Variants in SLC27A6 observed in about 807,000 individuals in gnomAD.
The protein encoded by SLC27A6 is long-chain fatty acid transport protein 6.
Under a neutral mutation model 63.9 loss-of-function variants are expected in SLC27A6, and 74 were observed. The observed-to-expected ratio is 1.16, with a 90% CI of 0.96 to 1.40. The LOEUF (loss-of-function observed/expected upper bound fraction) is 1.40. Ranked by LOEUF, SLC27A6 falls within the 40% of genes most tolerant of loss-of-function variation. The pLI is 0.00. For missense variants in SLC27A6, 794 were observed against 732.9 expected (o/e 1.08, Z -0.96); for synonymous variants, 287 against 260.8 (o/e 1.10, Z -0.97).
intron 5 of SLC27A6, 109 bp downstream of exon 5, chr5:129,016,188 C>T (rs75602878): frequency 0.11 from 79,955 of 703,690 alleles, 9,003 homozygotes; most frequent in East Asian, 0.51. Context: ...GTCAGGAGAT[C>T]GAGACCATCC....
At chr5:128,999,063 A>G (rs1361390059) in intron 4 of SLC27A6, among the ~76,000 whole-genome samples, 1 of 152,112 alleles carries the variant, frequency 6.6e-6, no homozygotes, top group African/African-American at 2.4e-5. Context: ...ATGTCTTATG[A>G]GCTTTGTGAT....
intron 1 of SLC27A6, among the ~76,000 whole-genome samples, chr5:128,974,325 G>A (rs141552610): frequency 6.0e-4 from 92 of 152,314 alleles, no homozygotes; most frequent in African/African-American, 2.1e-3. Flanking sequence ...TTGGGATACT[G>A]AAGTTTTAAG....
chr5:129,023,343 T>G (rs1206188914), intron 5 of SLC27A6, among the ~76,000 whole-genome samples: 2 of 152,126 alleles, frequency 1.3e-5, no homozygotes, highest in African/African-American at 2.4e-5. Flanking sequence ...TTTCAGTATC[T>G]TGATTAAAAT....
chr5:128,988,811 CAAGT>C, intron 3 of SLC27A6, 53 bp downstream of exon 3: 1 of 1,397,688 alleles, frequency 7.2e-7, no homozygotes, highest in Non-Finnish European at 9.9e-7. Context: ...ATAATTAGAA[CAAGT>C]ATTTATTAAC....
At chr5:128,969,843 G>A (rs1380418552) in intron 1 of SLC27A6, among the ~76,000 whole-genome samples, 1 of 152,166 alleles carries the variant, frequency 6.6e-6, no homozygotes, top group East Asian at 1.9e-4. Flanking sequence ...TCTTGTGCCA[G>A]TTTTCAAAGG....
intron 4 of SLC27A6, among the ~76,000 whole-genome samples, chr5:128,990,883 A>G (rs1750957521): frequency 6.6e-6 from 1 of 152,222 alleles, no homozygotes; most frequent in Non-Finnish European, 1.5e-5. Flanking sequence ...CTGGATCAGA[A>G]GCAGAGCAGA....
intron 4 of SLC27A6, among the ~76,000 whole-genome samples, chr5:129,014,751 C>G (rs1424437913): frequency 1.3e-5 from 2 of 152,180 alleles, no homozygotes; most frequent in Non-Finnish European, 2.9e-5. Context: ...TCCTGCCAAG[C>G]TTTCTGCTTT....
intron 1 of SLC27A6, among the ~76,000 whole-genome samples, chr5:128,984,235 A>G (rs759691432): frequency 6.6e-6 from 1 of 152,196 alleles, no homozygotes; most frequent in Non-Finnish European, 1.5e-5. Context: ...TACACAAAAG[A>G]CTGTATAGGA....
intron 4 of SLC27A6, among the ~76,000 whole-genome samples, chr5:129,010,749 A>C (rs1432150911): frequency 6.6e-6 from 1 of 151,770 alleles, no homozygotes; most frequent in Non-Finnish European, 1.5e-5. Context: ...CAAGAGTCTC[A>C]GTCCTACACC....
Position 129,015,936 on chromosome 5 carries a change from C to T in SLC27A6, c.1021C>T (p.Arg341Trp), listed in dbSNP as rs137898880. ...GCGTTTGGCAATTGGAAATGGCATA[C>T]GGAGTGATGTATGGAGAGAATTTTT... Reference protein sequence around the residue: ...KVRLAIGNGIRSDVWREFLDR... With the variant: ...KVRLAIGNGIWSDVWREFLDR... Residue 341 changes from arginine to tryptophan, a missense_variant, in exon 5 of 10, where the codon CGG becomes TGG. Arg to Trp is a moderately radical substitution (Grantham distance 101, BLOSUM62 -3). Transcript: ENST00000262462. The T allele has an allele frequency of 3.2e-3, 5,175 of 1,601,120 alleles. 154 individuals carry two copies. The Admixed American group carries it at 0.047, about 15-fold the overall frequency.
intron 1 of SLC27A6, among the ~76,000 whole-genome samples, chr5:128,973,164 C>T (rs1327766464): frequency 6.6e-6 from 1 of 152,108 alleles, no homozygotes; most frequent in Non-Finnish European, 1.5e-5. Flanking sequence ...GGGGCACCTG[C>T]TTGTATGCAG....
chr5:128,984,593 C>T (rs1176311768), intron 1 of SLC27A6, among the ~76,000 whole-genome samples: 1 of 152,194 alleles, frequency 6.6e-6, no homozygotes, highest in African/African-American at 2.4e-5. Context: ...TCAGTCTTCA[C>T]CTCTCTCTCC....
At position 128,966,514 on chromosome 5, in the gene SLC27A6, C is replaced by T. The variant is rs146020710; in HGVS notation, c.377C>T (p.Ala126Val). The T allele has an allele frequency of 1.6e-5, 25 of 1,605,700 alleles. No homozygotes were observed. The African/African-American group carries it at 2.8e-4, about 18-fold the overall frequency. Residue 126 changes from alanine (A) to valine (V), a missense_variant, in exon 1 of 10, where the codon GCC becomes GTC. Physicochemically the swap from Ala to Val is moderately conservative, Grantham distance 64. Transcript: ENST00000262462. Reference sequence around the variant, plus strand: ...TTCGTTCACGTGTGGTTCGGCCTCGCCAAGCTGGGCTGCGTGGTGGCCTTT... The same window carrying T: ...TTCGTTCACGTGTGGTTCGGCCTCGTCAAGCTGGGCTGCGTGGTGGCCTTT... Reference protein sequence around the residue: ...PDFVHVWFGLAKLGCVVAFLN... With the variant: ...PDFVHVWFGLVKLGCVVAFLN...
intron 4 of SLC27A6, among the ~76,000 whole-genome samples, chr5:128,992,186 A>ACTTATC: frequency 3.5e-5 from 2 of 57,440 alleles, no homozygotes; most frequent in African/African-American, 1.8e-4. Flanking sequence ...AGGATCTCTC[A>ACTTATC]ATAGAGTAGG....
At chr5:128,972,152 C>T (rs1750192808) in intron 1 of SLC27A6, among the ~76,000 whole-genome samples, 1 of 152,130 alleles carries the variant, frequency 6.6e-6, no homozygotes, top group Non-Finnish European at 1.5e-5. Flanking sequence ...TGATGGGCTT[C>T]CCTTTGTGGG....
At chr5:129,003,967 C>CAAAAAAA (rs779667758) in intron 4 of SLC27A6, among the ~76,000 whole-genome samples, 4 of 69,422 alleles carry the variant, frequency 5.8e-5, no homozygotes, top group African/African-American at 1.6e-4. Context: ...GACCCTGTCT[C>CAAAAAAA]AAAAAAAAAA....
chr5:129,004,646 A>C (rs1751458788), intron 4 of SLC27A6, among the ~76,000 whole-genome samples: 1 of 152,202 alleles, frequency 6.6e-6, no homozygotes, highest in African/African-American at 2.4e-5. Flanking sequence ...AATAAAAAGG[A>C]ATAGAGATTT....
intron 5 of SLC27A6, among the ~76,000 whole-genome samples, chr5:129,019,637 A>C (rs969817973): frequency 7.9e-5 from 12 of 152,000 alleles, no homozygotes; most frequent in African/African-American, 2.9e-4. Flanking sequence ...AATAAACAAA[A>C]TGAACTAAAA....
Position 129,016,090 on chromosome 5 carries a change from C to A in SLC27A6, c.1164+11C>A. 6.4e-7 allele frequency: 1 copy of A among 1,559,434 alleles called. No individual in the cohort carries two copies. Among genetic ancestry groups the A allele is most frequent in the Non-Finnish European group, 8.7e-7 (1 of 1,154,088 alleles). ...AATTTGTTTTACAAAGTAAGTACAG[C>A]ATTTTCCTTATTAAAGAAATACATC... On this transcript the variant is annotated intron_variant, in intron 5 of 9. Coordinates refer to ENST00000262462, the MANE Select transcript of SLC27A6 (RefSeq NM_001017372.3).
Sources: gnomAD v4.1 joint callset for allele counts (sites outside exome capture counted in the v4.1 genomes callset) on GRCh38, gnomAD v4.1.1 for gene constraint, MANE v1.5 for transcripts, NCBI Gene and HGNC (gene_info 2026-07-23, HGNC 2026-07-21) for gene names.